EXD3: variants seen among roughly 807,000 people sequenced by gnomAD.
The protein encoded by EXD3 is exonuclease mut-7 homolog.
In EXD3, 92 loss-of-function variants were observed where a neutral mutation model predicts 98.0. The observed-to-expected ratio is 0.94, with a 90% confidence interval of 0.79 to 1.12. The LOEUF (loss-of-function observed/expected upper bound fraction) is 1.12, where lower values mean the gene tolerates loss of function less well. Among genes scored for constraint, EXD3 ranks in the 50% most tolerant of loss-of-function variants. EXD3 has a pLI of 0.00. For synonymous variants in EXD3, 569 were observed against 526.0 expected, an observed-to-expected ratio of 1.08 and a Z score of -1.12; for missense variants, 1,222 against 1,191.6, an observed-to-expected ratio of 1.03 and a Z score of -0.38.
chr9:137,376,679 T>C (rs1048246842), intron 3 of EXD3, among the ~76,000 whole-genome samples: 24 of 151,924 alleles, frequency 1.6e-4, no homozygotes, highest in Non-Finnish European at 2.9e-4. Context: ...CCTGTAATCC[T>C]AGCACTTTGG....
intron 8 of EXD3, among the ~76,000 whole-genome samples, chr9:137,355,619 A>ACGG (rs1468887324): frequency 6.2e-5 from 2 of 32,170 alleles, no homozygotes; most frequent in Admixed American, 4.7e-4. Context: ...AGGAAGGAGG[A>ACGG]AGGGAGGATG....
intron 2 of EXD3, among the ~76,000 whole-genome samples, chr9:137,388,585 G>A (rs1018237428): frequency 2.6e-5 from 4 of 152,160 alleles, no homozygotes; most frequent in African/African-American, 9.7e-5. Context: ...GGGCACAGAA[G>A]CCCCAGGAAC....
chr9:137,309,809 A>T, intron 19 of EXD3, 109 bp from the exon 20 acceptor site: 1 of 788,574 alleles, frequency 1.3e-6, no homozygotes. Flanking sequence ...GGGGTTTCAC[A>T]GAGACAGATA....
At chr9:137,315,137 G>T (rs528682981) in intron 19 of EXD3, among the ~76,000 whole-genome samples, 1 of 152,326 alleles carries the variant, frequency 6.6e-6, no homozygotes, top group Non-Finnish European at 1.5e-5. Context: ...GCAGGGTGGG[G>T]GCTAGCGCCT....
chr9:137,315,054 AG>A (rs1301408329), intron 19 of EXD3, among the ~76,000 whole-genome samples: 9 of 152,126 alleles, frequency 5.9e-5, no homozygotes, highest in Admixed American at 5.2e-4. Flanking sequence ...CACTTCCTGC[AG>A]CTCCCTTGGA....
rs775321602 is a variant in EXD3, at chr9:137,307,140, GC to G, written c.2440del (p.Ala814GlnfsTer8). The G allele has an allele frequency of 6.3e-7, 1 of 1,596,654 alleles. No individual in the cohort carries two copies. The highest frequency in any genetic ancestry group is 1.1e-5 in the South Asian group (1 of 89,104). On this transcript the variant is annotated frameshift_variant, in exon 22 of 22. Transcript: ENST00000340951. LOFTEE classifies it low-confidence loss of function (END_TRUNC). ...MLADGTRLQL[A>X]GVPVGVLRTP... ...CCTCAGCACACCCACCGGGACCCCT[GC>G]CAGCTGCAGCCGGGTGCCGTCGGCC... is the stretch of plus-strand genomic sequence containing the variant.
rs756213606 is a variant in EXD3 at position 137,307,076 on chromosome 9, A to G, written c.2505T>C (p.Cys835=). The change falls in exon 22 of 22, where the codon TGT becomes TGC. Residue 835 remains cysteine, a synonymous_variant. Coordinates refer to ENST00000340951, the MANE Select transcript of EXD3 (RefSeq NM_017820.5). The part of the protein sequence containing the change: ...GLRCFYCCTG[C]GKVFWDGSHL... ...GGGAGCCGTCCCAGAAGACCTTTCC[A>G]CAGCCCGTGCAGCAGTAGAAGCACC... 1.9e-6 allele frequency: 3 copies of G among 1,611,452 alleles called. No homozygotes were observed. The highest frequency in any genetic ancestry group is 2.5e-6 in the Non-Finnish European group (3 of 1,179,398).
At chr9:137,354,399 G>A (rs1369235778) in intron 9 of EXD3, 22 bp from the exon 10 acceptor site, 2 of 1,612,262 alleles carry the variant, frequency 1.2e-6, no homozygotes, top group South Asian at 2.2e-5. Flanking sequence ...AACAGGAAGG[G>A]GCGGTTGCCA....
chr9:137,401,152 C>CTT (rs34114761), intron 1 of EXD3, among the ~76,000 whole-genome samples: 2,130 of 108,290 alleles, frequency 0.02, 114 homozygotes, highest in African/African-American at 0.06. Context: ...CACCCATTTC[C>CTT]TTTTTTTTTT....
chr9:137,380,945 C>CAAAAA (rs1202773340), intron 3 of EXD3, among the ~76,000 whole-genome samples: 2 of 150,200 alleles, frequency 1.3e-5, no homozygotes, highest in African/African-American at 4.9e-5. Context: ...ACTAAAAATA[C>CAAAAA]AAAAATAGCC....
chr9:137,411,315 C>T (rs774269540), intron 1 of EXD3, among the ~76,000 whole-genome samples: 1 of 152,148 alleles, frequency 6.6e-6, no homozygotes, highest in Non-Finnish European at 1.5e-5. Flanking sequence ...GGCACAGCTG[C>T]CCCCGAGCCC....
chr9:137,353,504 G>A (rs1158982465), intron 10 of EXD3: 15 of 987,582 alleles, frequency 1.5e-5, no homozygotes, highest in Middle Eastern at 5.1e-4. Context: ...ATTCACCCAT[G>A]GCCCAGGAGC....
At chr9:137,399,890 A>G (rs1267889902) in intron 1 of EXD3, among the ~76,000 whole-genome samples, 1 of 152,138 alleles carries the variant, frequency 6.6e-6, no homozygotes, top group African/African-American at 2.4e-5. Context: ...TACAAAAAGC[A>G]GCCAGGCGTG....
At position 137,349,064 on chromosome 9, in the gene EXD3, C is replaced by T. The variant is rs1462242681; in HGVS notation, c.1830+46G>A. On this transcript the variant is annotated intron_variant, in intron 16 of 21. Coordinates refer to ENST00000340951, the MANE Select transcript of EXD3 (RefSeq NM_017820.5). This position sits in a 1 kb window ranked among gnomAD's most constrained non-coding sequence, Gnocchi z 7.4. ...TCCTTGGTTTATGGACAGGGATCTCCTTCCCCAAGAATGCTGACAAACGGA... is the reference window on the plus strand; with the variant it reads ...TCCTTGGTTTATGGACAGGGATCTCTTTCCCCAAGAATGCTGACAAACGGA... The T allele has an allele frequency of 6.5e-7, 1 of 1,539,000 alleles. No homozygotes were observed. Among genetic ancestry groups the T allele is most frequent in the Non-Finnish European group, 8.7e-7 (1 of 1,148,236 alleles).
chr9:137,402,250 G>A (rs560270372), intron 1 of EXD3, among the ~76,000 whole-genome samples: 13 of 152,256 alleles, frequency 8.5e-5, no homozygotes, highest in Middle Eastern at 3.4e-3. Flanking sequence ...TCCTGACCTC[G>A]TGATCCGCCC....
chr9:137,380,070 A>C (rs973256285), intron 3 of EXD3, among the ~76,000 whole-genome samples: 2 of 151,632 alleles, frequency 1.3e-5, no homozygotes, highest in African/African-American at 2.4e-5. Flanking sequence ...TGGTGGCCTC[A>C]ATGAACGTGC....
At chr9:137,350,623 A>G (rs1588319966) in intron 14 of EXD3, among the ~76,000 whole-genome samples, 1 of 37,742 alleles carries the variant, frequency 2.6e-5, no homozygotes. Context: ...CTAGATAGAG[A>G]GGGGTGGGGA....
chr9:137,319,562 G>T (rs1335548311), intron 19 of EXD3, among the ~76,000 whole-genome samples: 2 of 152,192 alleles, frequency 1.3e-5, no homozygotes, highest in Non-Finnish European at 1.5e-5. Flanking sequence ...GCCCTAGGAA[G>T]AACTTTCTAG....
chr9:137,397,817 C>G (rs1202742777), intron 1 of EXD3, among the ~76,000 whole-genome samples: 1 of 152,104 alleles, frequency 6.6e-6, no homozygotes, highest in Non-Finnish European at 1.5e-5. Flanking sequence ...GTGGCTCACG[C>G]CTTTGGTTCC....
Sources: allele counts gnomAD v4.1 joint callset (sites outside exome capture counted in the v4.1 genomes callset), GRCh38; gene constraint gnomAD v4.1.1; non-coding constraint Gnocchi (gnomAD v3.1); transcripts MANE v1.5; gene names NCBI Gene and HGNC (gene_info 2026-07-23, HGNC 2026-07-21).